The following CFTR variants were observed in gnomAD, a reference collection of about 807,000 sequenced individuals.
The protein encoded by CFTR is cystic fibrosis transmembrane conductance regulator.
A neutral mutation model predicts 171.6 loss-of-function variants in CFTR; 181 were observed. The ratio of observed to expected loss-of-function variants is 1.05; its 90% CI spans 0.93 to 1.19. The LOEUF is 1.19. Ranked by LOEUF, CFTR falls within the 50% of genes most tolerant of loss-of-function variation. CFTR has a pLI of 0.00. For synonymous variants in CFTR, 583 were observed against 608.0 expected, an observed-to-expected ratio of 0.96 and a Z score of 0.60; for missense variants, 1,968 against 1,734.7, an observed-to-expected ratio of 1.13 and a Z score of -2.39.
At chr7:117,529,174 T>C (rs1467779744) in intron 3 of CFTR, among the ~76,000 whole-genome samples, 2 of 91,668 alleles carry the variant, frequency 2.2e-5, no homozygotes, top group East Asian at 5.4e-4. Context: ...CACCATGGAA[T>C]ACTATACAGC....
chr7:117,480,288 G>C, intron 1 of CFTR, 141 bp downstream of exon 1: 1 of 781,990 alleles, frequency 1.3e-6, no homozygotes, highest in Admixed American at 1.9e-5. Flanking sequence ...AGAAAATGTG[G>C]GTATTGTAGA....
In CFTR at chr7:117,548,835, G is replaced by T. The variant is rs2896226; in HGVS notation, c.1392+12G>T. The T allele has an allele frequency of 1.2e-5, 20 of 1,603,574 alleles. No homozygotes were observed. Among genetic ancestry groups the T allele is most frequent in the Non-Finnish European group, 1.7e-5 (20 of 1,174,094 alleles). On this transcript the variant is annotated intron_variant, in intron 10 of 26. Coordinates refer to ENST00000003084, the MANE Select transcript of CFTR (RefSeq NM_000492.4). ...CTGGAGCAGGCAAGGTAGTTCTTTT[G>T]TTCTTCACTATTAAGAACTTAATTT...
chr7:117,516,625 TCTAA>T (rs1203404026), intron 3 of CFTR, among the ~76,000 whole-genome samples: 4 of 152,124 alleles, frequency 2.6e-5, no homozygotes, highest in African/African-American at 4.8e-5. Flanking sequence ...GACTTTGGAG[TCTAA>T]CTGTCTAGTT....
At chr7:117,538,909 A>G (rs568311711) in intron 7 of CFTR, among the ~76,000 whole-genome samples, 4 of 152,326 alleles carry the variant, frequency 2.6e-5, no homozygotes, top group South Asian at 2.1e-4. Context: ...TTCTTCATCA[A>G]TGTGCTCAGA....
chr7:117,655,890 G>A (rs1295638485), intron 24 of CFTR, among the ~76,000 whole-genome samples: 1 of 152,072 alleles, frequency 6.6e-6, no homozygotes, highest in African/African-American at 2.4e-5. Flanking sequence ...CAGAAGAGTG[G>A]GCAGGCTAGC....
At chr7:117,505,577 G>GC (rs1465676906) in intron 2 of CFTR, among the ~76,000 whole-genome samples, 6 of 152,246 alleles carry the variant, frequency 3.9e-5, no homozygotes, top group African/African-American at 1.4e-4. Flanking sequence ...GAAAGAAGGA[G>GC]CCCTTTGTCC....
intron 14 of CFTR, among the ~76,000 whole-genome samples, chr7:117,593,032 G>A (rs935885099): frequency 6.6e-5 from 10 of 152,096 alleles, no homozygotes; most frequent in African/African-American, 9.7e-5. Context: ...TTTATAGCTC[G>A]CAAAATAATC....
chr7:117,523,878 ATAC>A (rs958375550), intron 3 of CFTR, among the ~76,000 whole-genome samples: 3 of 152,244 alleles, frequency 2.0e-5, no homozygotes, highest in African/African-American at 7.2e-5. Flanking sequence ...AAAAAATCTT[ATAC>A]AAGTCTTTAC....
intron 18 of CFTR, among the ~76,000 whole-genome samples, chr7:117,608,615 A>G (rs539847907): frequency 6.6e-6 from 1 of 152,336 alleles, no homozygotes; most frequent in South Asian, 2.1e-4. Flanking sequence ...AGAGAGTCTC[A>G]TATTAAGGAA....
intron 10 of CFTR, among the ~76,000 whole-genome samples, chr7:117,555,764 C>A (rs1799342521): frequency 6.6e-6 from 1 of 152,150 alleles, no homozygotes; most frequent in Non-Finnish European, 1.5e-5. Context: ...AAATGTGAAA[C>A]CATCAGTGCA....
At chr7:117,585,700 G>T (rs2116011661) in intron 11 of CFTR, among the ~76,000 whole-genome samples, 1 of 152,204 alleles carries the variant, frequency 6.6e-6, no homozygotes, top group Admixed American at 6.5e-5. Context: ...GCAGTGCAGT[G>T]GTGTGATCAT....
intron 21 of CFTR, among the ~76,000 whole-genome samples, chr7:117,622,596 T>C (rs1008133266): frequency 6.6e-6 from 1 of 152,188 alleles, no homozygotes; most frequent in African/African-American, 2.4e-5. Flanking sequence ...CTCTTTATAG[T>C]GTTGCCAGCC....
intron 24 of CFTR, among the ~76,000 whole-genome samples, chr7:117,657,061 C>T (rs1463640903): frequency 6.6e-6 from 1 of 152,176 alleles, no homozygotes; most frequent in Non-Finnish European, 1.5e-5. Flanking sequence ...ATTTTAAGAT[C>T]TTTGATATGA....
At chr7:117,593,674 C>T (rs1452242364) in intron 14 of CFTR, among the ~76,000 whole-genome samples, 1 of 152,148 alleles carries the variant, frequency 6.6e-6, no homozygotes, top group Non-Finnish European at 1.5e-5. Flanking sequence ...CGGCTCACTG[C>T]AACCTCTGCC....
At chr7:117,520,950 G>A (rs972984558) in intron 3 of CFTR, among the ~76,000 whole-genome samples, 1 of 151,828 alleles carries the variant, frequency 6.6e-6, no homozygotes, top group African/African-American at 2.4e-5. Context: ...TAACTTGGAG[G>A]GGAATGTAAT....
At chr7:117,650,865 G>A (rs1793078407) in intron 23 of CFTR, among the ~76,000 whole-genome samples, 1 of 152,058 alleles carries the variant, frequency 6.6e-6, no homozygotes, top group Non-Finnish European at 1.5e-5. Flanking sequence ...TCTTTCCTGA[G>A]CTTTAAATAG....
intron 1 of CFTR, among the ~76,000 whole-genome samples, chr7:117,503,645 T>G (rs1798366964): frequency 6.6e-6 from 1 of 152,226 alleles, no homozygotes; most frequent in Non-Finnish European, 1.5e-5. Context: ...GTAGCTGCTA[T>G]GGAGTGAGGA....
rs34276900 is a variant in CFTR, at chr7:117,597,813, T to TA, written c.2619+2767dup. Among the ~76,000 whole-genome samples the TA allele has an allele frequency of 3.7e-3, 497 of 133,070 alleles. 1 individual carries two copies. The highest frequency in any genetic ancestry group is 5.9e-3 in the African/African-American group (223 of 37,482). The allele number at this position is 133,070 out of a possible 152,430, so 87.3% of individuals were successfully genotyped here. Reference sequence around the variant, plus strand: ...TCTACTGTTCTTCACATCACCAAGTTAAAAAAAAAAAAGGGGCGGGGGGGC... The same window carrying TA: ...TCTACTGTTCTTCACATCACCAAGTTAAAAAAAAAAAAAGGGGCGGGGGGGC... On this transcript the variant is annotated intron_variant, in intron 15 of 26. Transcript: ENST00000003084.
intron 21 of CFTR, among the ~76,000 whole-genome samples, chr7:117,618,053 T>A (rs1792520129): frequency 6.6e-6 from 1 of 152,136 alleles, no homozygotes; most frequent in Non-Finnish European, 1.5e-5. Flanking sequence ...TGTGATACTT[T>A]CTCTCTTGCT....
Sources: allele counts gnomAD v4.1 joint callset (sites outside exome capture counted in the v4.1 genomes callset), GRCh38; gene constraint gnomAD v4.1.1; transcripts MANE v1.5; gene names NCBI Gene and HGNC (gene_info 2026-07-23, HGNC 2026-07-21).